The following GALNT17 variants were observed in gnomAD, a reference collection of about 807,000 sequenced individuals.
The protein encoded by GALNT17 is polypeptide N-acetylgalactosaminyltransferase 17.
Under a neutral mutation model 63.7 loss-of-function variants are expected in GALNT17, and 29 were observed. That is an observed-to-expected ratio of 0.46 (90% CI 0.34 to 0.62). GALNT17 has a LOEUF of 0.62. GALNT17 is among the 20% of genes least tolerant of loss of function. The pLI, the probability that GALNT17 is intolerant of heterozygous loss-of-function variation, is 0.01. For synonymous variants in GALNT17, 305 were observed against 318.3 expected (o/e 0.96, Z 0.45); for missense variants, 603 against 799.6 (o/e 0.75, Z 2.97).
chr7:71,227,917 C>A (rs1789711461), intron 1 of GALNT17, among the ~76,000 whole-genome samples: 1 of 152,076 alleles, frequency 6.6e-6, no homozygotes, highest in African/African-American at 2.4e-5. Flanking sequence ...GATTTCCATG[C>A]TAGGTGCTAT....
At chr7:71,685,419 A>G (rs566551760) in intron 9 of GALNT17, 3 of 152,252 alleles carry the variant, frequency 2.0e-5, no homozygotes, top group African/African-American at 7.2e-5. Context: ...CCCCCGACCT[A>G]GTGGAGGTGG....
chr7:71,349,139 C>T (rs9654908), intron 2 of GALNT17, among the ~76,000 whole-genome samples: 40,934 of 152,186 alleles, frequency 0.27, 6,049 homozygotes, highest in East Asian at 0.48. Context: ...GCAATCACAA[C>T]GCCTGTTTAT....
At chr7:71,573,219 A>G (rs1789479845) in intron 6 of GALNT17, among the ~76,000 whole-genome samples, 1 of 151,978 alleles carries the variant, frequency 6.6e-6, no homozygotes, top group Non-Finnish European at 1.5e-5. Flanking sequence ...CATGTTGACC[A>G]CACTGGTCTT....
chr7:71,383,148 C>T (rs1792877038), intron 2 of GALNT17, among the ~76,000 whole-genome samples: 3 of 152,150 alleles, frequency 2.0e-5, no homozygotes, highest in Non-Finnish European at 4.4e-5. Flanking sequence ...CCTCAAAGTT[C>T]ATCCATGTGG....
chr7:71,319,198 C>T (rs1791560258), intron 1 of GALNT17, among the ~76,000 whole-genome samples: 1 of 151,226 alleles, frequency 6.6e-6, no homozygotes, highest in Admixed American at 6.6e-5. Flanking sequence ...TTTATCTGCC[C>T]TCTTACAGCA....
chr7:71,677,234 C>T lies in GALNT17; in HGVS notation c.1428C>T (p.Asp476=), dbSNP rs61740246. The T allele has an allele frequency of 0.11, 176,049 of 1,613,614 alleles. 10,760 individuals are homozygous for T. Among genetic ancestry groups the T allele is most frequent in the Middle Eastern group, 0.13 (763 of 6,056 alleles). Residue 476 remains aspartate (D), a synonymous_variant, in exon 9 of 11, where the codon GAC becomes GAT. Coordinates refer to ENST00000333538, the MANE Select transcript of GALNT17 (RefSeq NM_022479.3). ...AGCTTCGCAACAACAAGGCAAAAGA[C>T]GTCTGCTTGGACCAGGGGCCGCTGG... is the stretch of plus-strand genomic sequence containing the variant. ...YGELRNNKAK[D]VCLDQGPLEN... is the part of the protein sequence containing the mutation.
chr7:71,333,432 A>G (rs1791841611), intron 1 of GALNT17, among the ~76,000 whole-genome samples: 1 of 152,198 alleles, frequency 6.6e-6, no homozygotes, highest in African/African-American at 2.4e-5. Context: ...GAATAATGCA[A>G]CTGTGAGCAT....
chr7:71,574,963 CCTTT>C (rs1789511825), intron 6 of GALNT17, among the ~76,000 whole-genome samples: 1 of 152,164 alleles, frequency 6.6e-6, no homozygotes, highest in Non-Finnish European at 1.5e-5. Context: ...CAAAGTGAGT[CCTTT>C]CTTCTCACTC....
At chr7:71,647,036 G>A (rs909113855) in intron 6 of GALNT17, among the ~76,000 whole-genome samples, 1 of 150,304 alleles carries the variant, frequency 6.7e-6, no homozygotes, top group Non-Finnish European at 1.5e-5. Flanking sequence ...TTGAGCCACC[G>A]CCCCTGGCCC....
At position 71,533,005 on chromosome 7, in the gene GALNT17, G is replaced by T. The variant is rs183385177; in HGVS notation, c.963-38280G>T. Among the ~76,000 whole-genome samples, 77 of 152,194 alleles carry T rather than the reference G, an allele frequency of 5.1e-4. 1 individual carries two copies. In the East Asian group the frequency reaches 0.013, roughly 26 times the overall value. ...TGCATGAGGTCGGAGAGTAATAAAT[G>T]CTCATGTTTCTCTTTGACTAAACAC... On this transcript the variant is annotated intron_variant, in intron 5 of 10. Transcript: ENST00000333538.
chr7:71,650,381 C>G (rs1790737142), intron 6 of GALNT17, among the ~76,000 whole-genome samples: 1 of 152,192 alleles, frequency 6.6e-6, no homozygotes, highest in Non-Finnish European at 1.5e-5. Context: ...TTCTGAGTAG[C>G]TGGGACTACA....
chr7:71,163,297 A>T (rs1314507214), intron 1 of GALNT17, among the ~76,000 whole-genome samples: 1 of 152,110 alleles, frequency 6.6e-6, no homozygotes, highest in Non-Finnish European at 1.5e-5. Context: ...CCAAGTGGAG[A>T]TGTTGTCCAG....
chr7:71,305,190 A>G (rs758723408), intron 1 of GALNT17, among the ~76,000 whole-genome samples: 7 of 150,916 alleles, frequency 4.6e-5, no homozygotes, highest in Admixed American at 1.3e-4. Context: ...CTTCTATCAC[A>G]TATAATCCTA....
intron 5 of GALNT17, among the ~76,000 whole-genome samples, chr7:71,527,553 C>T (rs1291828550): frequency 2.0e-5 from 3 of 152,172 alleles, no homozygotes; most frequent in Non-Finnish European, 4.4e-5. Flanking sequence ...ACTTCACTCT[C>T]GACTTCAAGA....
rs1786974092 is a variant in GALNT17, at chr7:71,436,834, T to C, written c.962+15729T>C. ...GCTAGAGAAACAGTGTGAGTTTGACTGTCTGTAAGATGGTCTAATGGAAGG... is the reference window on the plus strand; with the variant it reads ...GCTAGAGAAACAGTGTGAGTTTGACCGTCTGTAAGATGGTCTAATGGAAGG... On this transcript the variant is annotated intron_variant, in intron 5 of 10. Transcript: ENST00000333538. 2.0e-5 allele frequency among the ~76,000 whole-genome samples: 3 copies of C among 152,214 alleles called. No homozygotes were observed. In the South Asian group the frequency reaches 6.2e-4, roughly 32 times the overall value.
At chr7:71,699,189 A>AAAAAAAAAAAAACC in intron 9 of GALNT17, among the ~76,000 whole-genome samples, 1 of 132,496 alleles carries the variant, frequency 7.5e-6, no homozygotes, top group Non-Finnish European at 1.6e-5. Flanking sequence ...AAAAAAAAAA[A>AAAAAAAAAAAAACC]AAAAAAATGA....
At chr7:71,510,405 C>G in intron 5 of GALNT17, among the ~76,000 whole-genome samples, 1 of 152,210 alleles carries the variant, frequency 6.6e-6, no homozygotes, top group East Asian at 1.9e-4. Flanking sequence ...TAGACAATCA[C>G]TAATGTACTG....
intron 1 of GALNT17, among the ~76,000 whole-genome samples, chr7:71,179,060 T>C (rs1335269447): frequency 3.3e-5 from 5 of 152,168 alleles, no homozygotes. Flanking sequence ...AACTTGATCC[T>C]TTGGGCTAGC....
At chr7:71,189,560 G>T (rs1562898761) in intron 1 of GALNT17, among the ~76,000 whole-genome samples, 1 of 152,102 alleles carries the variant, frequency 6.6e-6, no homozygotes, top group African/African-American at 2.4e-5. Flanking sequence ...AGGCAGGAAT[G>T]ATCTTGGCTG....
Sources: allele counts gnomAD v4.1 joint callset (sites outside exome capture counted in the v4.1 genomes callset), GRCh38; gene constraint gnomAD v4.1.1; transcripts MANE v1.5; gene names NCBI Gene and HGNC (gene_info 2026-07-23, HGNC 2026-07-21).